UGT1A5: variants seen among roughly 807,000 people sequenced by gnomAD.
UGT1A5 encodes UDP glucuronosyltransferase family 1 member A5.
In UGT1A5, 29 loss-of-function variants were observed where a neutral mutation model predicts 40.3. The ratio of observed to expected loss-of-function variants is 0.72; its 90% CI spans 0.54 to 0.98. The LOEUF (loss-of-function observed/expected upper bound fraction) is 0.98. Ranked by LOEUF, UGT1A5 falls within the 50% of genes least tolerant of loss-of-function variation. UGT1A5 has a pLI of 0.00. For synonymous variants in UGT1A5, 257 were observed against 262.5 expected (o/e 0.98, Z 0.20); for missense variants, 678 against 677.9 (o/e 1.00, Z 0.00).
At chr2:233,748,084 G>T in intron 1 of UGT1A5, 7 of 1,613,070 alleles carry the variant, frequency 4.3e-6, no homozygotes, top group Non-Finnish European at 5.9e-6. Flanking sequence ...TCTCAGGTCG[G>T]TGTTCGTGCC....
chr2:233,733,519 G>C (rs951555502), intron 1 of UGT1A5, among the ~76,000 whole-genome samples: 3 of 152,168 alleles, frequency 2.0e-5, no homozygotes, highest in Non-Finnish European at 2.9e-5. Context: ...AGGCATGAAG[G>C]GATGTTTAAT....
At chr2:233,762,034 A>G (rs750851212) in intron 1 of UGT1A5, among the ~76,000 whole-genome samples, 3 of 151,806 alleles carry the variant, frequency 2.0e-5, no homozygotes, top group Non-Finnish European at 2.9e-5. Context: ...ATTTTTTTTA[A>G]TTTTCTGTGC....
At chr2:233,719,812 C>T (rs2125672172) in intron 1 of UGT1A5, 1 of 1,587,558 alleles carries the variant, frequency 6.3e-7, no homozygotes, top group South Asian at 1.1e-5. Flanking sequence ...TTCTTTATAA[C>T]AGATAAACTG....
At chr2:233,756,964 A>G (rs1482766015) in intron 1 of UGT1A5, among the ~76,000 whole-genome samples, 2 of 152,056 alleles carry the variant, frequency 1.3e-5, no homozygotes, top group African/African-American at 4.8e-5. Context: ...GGCACTTGGT[A>G]AGCACGCAAT....
At chr2:233,729,900 A>G in intron 1 of UGT1A5, 1 of 1,613,884 alleles carries the variant, frequency 6.2e-7, no homozygotes, top group Non-Finnish European at 8.5e-7. Flanking sequence ...GGCTGTTCCG[A>G]GGGGACTTTG....
chr2:233,723,417 T>A (rs2077082381), intron 1 of UGT1A5, among the ~76,000 whole-genome samples: 1 of 134,694 alleles, frequency 7.4e-6, no homozygotes, highest in Non-Finnish European at 1.6e-5. Context: ...ACCATACTGG[T>A]CAGGCTGGTC....
intron 1 of UGT1A5, chr2:233,729,786 G>A: frequency 6.2e-7 from 1 of 1,613,972 alleles, no homozygotes; most frequent in East Asian, 2.2e-5. Flanking sequence ...CTCTGGCCCT[G>A]TCCTACATTT....
intron 1 of UGT1A5, chr2:233,755,187 A>G: frequency 1.6e-5 from 19 of 1,182,426 alleles, no homozygotes; most frequent in Non-Finnish European, 2.1e-5. Flanking sequence ...GTGCCACTTG[A>G]GCGCCAGCTT....
chr2:233,764,644 T>C (rs1207415683), intron 1 of UGT1A5, among the ~76,000 whole-genome samples: 1 of 151,998 alleles, frequency 6.6e-6, no homozygotes, highest in African/African-American at 2.4e-5. Context: ...CTAGGAAATT[T>C]AAGTAAGCCA....
At chr2:233,721,832 G>A (rs935086568) in intron 1 of UGT1A5, 5 of 515,852 alleles carry the variant, frequency 9.7e-6, no homozygotes, top group Admixed American at 3.9e-5. Flanking sequence ...TTGGGCCACC[G>A]ACCTTGTGTC....
intron 1 of UGT1A5, among the ~76,000 whole-genome samples, chr2:233,757,667 T>C (rs1696692140): frequency 6.6e-6 from 1 of 151,042 alleles, no homozygotes; most frequent in South Asian, 2.1e-4. Context: ...ATTTTGGAAA[T>C]TCAAGGAATT....
intron 1 of UGT1A5, chr2:233,754,450 G>A (rs1695489030): frequency 5.7e-6 from 2 of 352,214 alleles, no homozygotes; most frequent in Non-Finnish European, 1.1e-5. Context: ...TAAATTCTTG[G>A]GTACAGCTGT....
chr2:233,762,002 C>A (rs1378101119), intron 1 of UGT1A5, among the ~76,000 whole-genome samples: 2 of 152,188 alleles, frequency 1.3e-5, no homozygotes, highest in Non-Finnish European at 2.9e-5. Flanking sequence ...TTCCACTATA[C>A]CTCCAATGTG....
chr2:233,766,944 A>T (rs1699286381), intron 1 of UGT1A5, 90 bp from the exon 2 acceptor site: 1 of 1,597,452 alleles, frequency 6.3e-7, no homozygotes, highest in Non-Finnish European at 8.5e-7. Context: ...TCATAGTCTT[A>T]AGAGGAAGAT....
At chr2:233,755,197 T>C in intron 1 of UGT1A5, 1 of 1,117,644 alleles carries the variant, frequency 8.9e-7, no homozygotes, top group Non-Finnish European at 1.3e-6. Context: ...AGCGCCAGCT[T>C]GCGGTACGCC....
intron 1 of UGT1A5, chr2:233,760,195 C>T (rs2125980169): frequency 6.4e-7 from 1 of 1,574,430 alleles, no homozygotes; most frequent in Admixed American, 1.7e-5. Context: ...TCACGTGACA[C>T]AGTCAAACAT....
intron 1 of UGT1A5, among the ~76,000 whole-genome samples, chr2:233,752,979 T>C (rs993600275): frequency 5.3e-5 from 8 of 152,202 alleles, no homozygotes; most frequent in Non-Finnish European, 1.0e-4. Context: ...ATTGTGTAGA[T>C]ACAAACCCAC....
intron 2 of UGT1A5, 25 bp from the exon 3 acceptor site, chr2:233,767,822 ACG>A (rs756893991): frequency 6.2e-7 from 1 of 1,614,064 alleles, no homozygotes. Flanking sequence ...TTCTTTCTTT[ACG>A]TTCTGCTCTT....
chr2:233,718,773 C>T (rs374057137), intron 1 of UGT1A5: 12 of 1,612,730 alleles, frequency 7.4e-6, no homozygotes, highest in Non-Finnish European at 8.5e-6. Context: ...ACAAATGTAG[C>T]AGGCACAGCG....
Sources: gnomAD v4.1 joint callset for allele counts (sites outside exome capture counted in the v4.1 genomes callset) on GRCh38, gnomAD v4.1.1 for gene constraint, MANE v1.5 for transcripts, NCBI Gene and HGNC (gene_info 2026-07-23, HGNC 2026-07-21) for gene names.